Variants in FGF14 observed in about 807,000 individuals in gnomAD.
The protein encoded by FGF14 is fibroblast growth factor 14, also known as fibroblast growth factor homologous factor 4.
A neutral mutation model predicts 25.5 loss-of-function variants in FGF14; 5 were observed. That is an observed-to-expected ratio of 0.20 (90% CI 0.10 to 0.41). The LOEUF (loss-of-function observed/expected upper bound fraction) is 0.41. Ranked by LOEUF, FGF14 falls within the 10% of genes least tolerant of loss-of-function variation. FGF14 has a pLI of 1.00. For synonymous variants in FGF14, 138 were observed against 118.3 expected (o/e 1.17, Z -1.08); for missense variants, 222 against 320.1 (o/e 0.69, Z 2.34).
At chr13:101,743,396 T>G (rs1211961106) in intron 3 of FGF14, among the ~76,000 whole-genome samples, 1 of 152,172 alleles carries the variant, frequency 6.6e-6, no homozygotes, top group East Asian at 1.9e-4. Flanking sequence ...AGCTTGTTGT[T>G]TAAGGAGGAA....
At chr13:102,109,639 G>A (rs993918152) in intron 1 of FGF14, among the ~76,000 whole-genome samples, 1 of 151,978 alleles carries the variant, frequency 6.6e-6, no homozygotes, top group African/African-American at 2.4e-5. Flanking sequence ...GTTTGTTTTT[G>A]AGATTGAGTC....
rs1301746734 is a variant in FGF14 at position 101,948,824 on chromosome 13, A to G, written c.209-73528T>C. ...CATCAAACGTTTTTAGAATAGGGGA[A>G]ATGCTAGCTCAACTTTGCCTTGAAT... On this transcript the variant is annotated intron_variant, in intron 1 of 4. Transcript: ENST00000376131. 2.0e-5 allele frequency among the ~76,000 whole-genome samples: 3 copies of G among 152,208 alleles called. No individual in the cohort carries two copies. The East Asian group carries it at 5.8e-4, about 29-fold the overall frequency.
chr13:101,837,759 C>T lies in FGF14; in HGVS notation c.408+30966G>A, dbSNP rs548774209. Among the ~76,000 whole-genome samples the T allele has an allele frequency of 1.7e-4, 26 of 152,040 alleles. No homozygotes were observed. The South Asian group carries it at 4.4e-3, about 25-fold the overall frequency. The stretch of plus-strand genomic sequence containing the variant: ...CTGAAATATATTCTGATTGTCCTTG[C>T]GATGGTTAATATTGTGTCAACTTGA... On this transcript the variant is annotated intron_variant, in intron 3 of 4. Coordinates refer to ENST00000376143, the MANE Select transcript of FGF14 (RefSeq NM_004115.4).
chr13:102,101,125 A>C (rs1231379650), intron 1 of FGF14, among the ~76,000 whole-genome samples: 1 of 151,812 alleles, frequency 6.6e-6, no homozygotes, highest in Non-Finnish European at 1.5e-5. Flanking sequence ...AAAAAAAAAA[A>C]GGTAAAGTGA....
rs566972429 is a variant in FGF14 at position 101,808,380 on chromosome 13, C to A, written c.408+60345G>T. Among the ~76,000 whole-genome samples, 21 of 152,058 alleles carry A rather than the reference C, an allele frequency of 1.4e-4. No individual in the cohort carries two copies. The East Asian group carries it at 1.7e-3, about 13-fold the overall frequency. ...CCTATACCATTCTCCATTTGCTAAT[C>A]ATTATTTAGAAATGAAATGTGCATT... is the stretch of plus-strand genomic sequence containing the variant. On this transcript the variant is annotated intron_variant, in intron 3 of 4. Coordinates refer to ENST00000376143, the MANE Select transcript of FGF14 (RefSeq NM_004115.4).
At chr13:102,393,607 T>C (rs142673487) in intron 1 of FGF14, among the ~76,000 whole-genome samples, 1,761 of 152,296 alleles carry the variant, frequency 0.012, 23 homozygotes, top group Non-Finnish European at 0.021. Flanking sequence ...CTTAAAACTG[T>C]CTAAGGAAAA....
chr13:102,211,672 T>C (rs2050167026), intron 1 of FGF14, among the ~76,000 whole-genome samples: 1 of 152,214 alleles, frequency 6.6e-6, no homozygotes, highest in South Asian at 2.1e-4. Context: ...CTCTCAAACC[T>C]ACTTCACATT....
intron 1 of FGF14, among the ~76,000 whole-genome samples, chr13:102,036,661 G>C (rs1213116829): frequency 1.3e-5 from 2 of 151,896 alleles, no homozygotes. Context: ...AGAGGAAACA[G>C]AAGGAGGAGG....
intron 3 of FGF14, among the ~76,000 whole-genome samples, chr13:101,864,582 G>A (rs951542268): frequency 4.6e-5 from 7 of 152,128 alleles, no homozygotes; most frequent in East Asian, 1.9e-4. Flanking sequence ...CAGGTGATTC[G>A]CGTGAGCCCT....
chr13:101,868,664 G>T, intron 3 of FGF14, 61 bp downstream of exon 3: 1 of 1,038,760 alleles, frequency 9.6e-7, no homozygotes, highest in Non-Finnish European at 1.5e-6. Context: ...TTTTGTTGTT[G>T]CTGCCATTGT....
intron 1 of FGF14, among the ~76,000 whole-genome samples, chr13:101,885,061 G>A (rs571173002): frequency 6.6e-5 from 10 of 152,128 alleles, no homozygotes; most frequent in Non-Finnish European, 1.5e-4. Context: ...TAGAGCAAAA[G>A]TTTAAAAACA....
At chr13:102,259,036 A>T (rs1000093197) in intron 1 of FGF14, among the ~76,000 whole-genome samples, 10 of 152,196 alleles carry the variant, frequency 6.6e-5, no homozygotes, top group Admixed American at 2.0e-4. Flanking sequence ...AAAAAGTTAG[A>T]AATCATCTCC....
chr13:101,944,395 C>G (rs1044109689), intron 1 of FGF14, among the ~76,000 whole-genome samples: 2 of 152,140 alleles, frequency 1.3e-5, no homozygotes, highest in East Asian at 3.8e-4. Flanking sequence ...AAACTCCACT[C>G]TCTGCAAACA....
At chr13:101,726,962 T>C in intron 3 of FGF14, 152 bp from the exon 4 acceptor site, 1 of 599,268 alleles carries the variant, frequency 1.7e-6, no homozygotes, top group Non-Finnish European at 2.9e-6. Context: ...TAATTGTCTA[T>C]ACATTTTTAA....
intron 1 of FGF14, among the ~76,000 whole-genome samples, chr13:102,211,660 G>T (rs1320678689): frequency 6.6e-6 from 1 of 152,152 alleles, no homozygotes; most frequent in Non-Finnish European, 1.5e-5. Context: ...AGAAAGGGCT[G>T]GCTCTCAAAC....
At chr13:102,015,188 G>T (rs373645278) in intron 1 of FGF14, among the ~76,000 whole-genome samples, 1 of 152,182 alleles carries the variant, frequency 6.6e-6, no homozygotes, top group African/African-American at 2.4e-5. Context: ...GATTACAGGC[G>T]TGAGCCACCG....
intron 1 of FGF14, among the ~76,000 whole-genome samples, chr13:102,171,374 A>T (rs956198785): frequency 1.3e-5 from 2 of 152,186 alleles, no homozygotes; most frequent in South Asian, 4.1e-4. Flanking sequence ...AAAAATCCTG[A>T]TGCTTACATG....
chr13:101,914,805 T>C (rs1371868769), intron 1 of FGF14, among the ~76,000 whole-genome samples: 1 of 152,214 alleles, frequency 6.6e-6, no homozygotes, highest in Non-Finnish European at 1.5e-5. Flanking sequence ...TAATTTACTT[T>C]ATGTAGACAG....
At chr13:102,013,290 T>C (rs1227280722) in intron 1 of FGF14, among the ~76,000 whole-genome samples, 2 of 152,170 alleles carry the variant, frequency 1.3e-5, no homozygotes, top group Non-Finnish European at 2.9e-5. Flanking sequence ...TATTTCCTGC[T>C]CAGGTGTGCT....
Sources: gnomAD v4.1 joint callset for allele counts (sites outside exome capture counted in the v4.1 genomes callset) on GRCh38, gnomAD v4.1.1 for gene constraint, MANE v1.5 for transcripts, NCBI Gene and HGNC (gene_info 2026-07-23, HGNC 2026-07-21) for gene names.